IPO11: variants seen among roughly 807,000 people sequenced by gnomAD.
IPO11 encodes importin 11.
IPO11 carries 66 observed loss-of-function variants against 143.2 expected under a neutral mutation model. The observed-to-expected ratio is 0.46, with a 90% confidence interval of 0.38 to 0.57. The LOEUF (loss-of-function observed/expected upper bound fraction) is 0.57. Among genes scored for constraint, IPO11 ranks in the 20% least tolerant of loss-of-function variants. The probability of loss-of-function intolerance (pLI) is 0.00; values close to 1 mark genes in which losing one functional copy is unlikely to be tolerated. For synonymous variants in IPO11, 385 were observed against 377.8 expected, an observed-to-expected ratio of 1.02 and a Z score of -0.22; for missense variants, 1,026 against 1,141.0, an observed-to-expected ratio of 0.90 and a Z score of 1.45.
chr5:62,536,297 A>C (rs950629822), intron 22 of IPO11, among the ~76,000 whole-genome samples: 1 of 152,110 alleles, frequency 6.6e-6, no homozygotes. Flanking sequence ...GGTTGGGTCA[A>C]ATAGTTAGGT....
intron 5 of IPO11, among the ~76,000 whole-genome samples, chr5:62,464,104 G>A (rs574294029): frequency 6.7e-6 from 1 of 150,176 alleles, no homozygotes; most frequent in Non-Finnish European, 1.5e-5. Context: ...GATTACAGGC[G>A]TGAGCCACCG....
chr5:62,501,482 A>G (rs183717019), intron 16 of IPO11, among the ~76,000 whole-genome samples: 3 of 152,338 alleles, frequency 2.0e-5, no homozygotes, highest in Admixed American at 2.0e-4. Context: ...TGATATGTCT[A>G]TTAATTATAC....
chr5:62,514,288 C>G (rs1741918149), intron 19 of IPO11, among the ~76,000 whole-genome samples: 1 of 152,120 alleles, frequency 6.6e-6, no homozygotes, highest in Admixed American at 6.5e-5. Flanking sequence ...CCACTGCACT[C>G]CAGCCTGGGC....
intron 27 of IPO11, 73 bp from the exon 28 acceptor site, chr5:62,591,504 G>A: frequency 1.2e-6 from 1 of 825,356 alleles, no homozygotes; most frequent in Non-Finnish European, 1.9e-6. Flanking sequence ...TCGAGAAGAT[G>A]TTTAGGAAAA....
intron 27 of IPO11, among the ~76,000 whole-genome samples, chr5:62,566,150 G>A (rs1337045439): frequency 6.6e-6 from 1 of 152,162 alleles, no homozygotes; most frequent in Admixed American, 6.5e-5. Context: ...ACCCAGTAAT[G>A]AGATTGCTGG....
intron 9 of IPO11, among the ~76,000 whole-genome samples, 166 bp from the exon 10 acceptor site, chr5:62,482,935 G>A (rs947343449): frequency 3.9e-5 from 6 of 152,098 alleles, no homozygotes; most frequent in East Asian, 1.9e-4. Flanking sequence ...ATTATATGAT[G>A]TGCCTCAAGA....
At chr5:62,554,466 G>A (rs981544294) in intron 26 of IPO11, among the ~76,000 whole-genome samples, 1 of 152,122 alleles carries the variant, frequency 6.6e-6, no homozygotes, top group African/African-American at 2.4e-5. Context: ...ATCACGAGAG[G>A]TAGGGATCTA....
chr5:62,413,147 G>T (rs1374182740), intron 1 of IPO11, among the ~76,000 whole-genome samples: 1 of 152,234 alleles, frequency 6.6e-6, no homozygotes, highest in Non-Finnish European at 1.5e-5. Context: ...CAGCATGGTA[G>T]TGGAGCAATC....
chr5:62,626,485 C>T (rs1441969817), intron 29 of IPO11, among the ~76,000 whole-genome samples: 1 of 152,180 alleles, frequency 6.6e-6, no homozygotes, highest in African/African-American at 2.4e-5. Context: ...ACACATTGCA[C>T]TTAGCCTGGG....
intron 26 of IPO11, among the ~76,000 whole-genome samples, chr5:62,553,787 C>G (rs1258081422): frequency 2.0e-5 from 3 of 152,152 alleles, no homozygotes; most frequent in Admixed American, 6.5e-5. Flanking sequence ...GAGTCTCACT[C>G]TGTCACCCAG....
intron 22 of IPO11, among the ~76,000 whole-genome samples, chr5:62,533,215 CT>C (rs67146609): frequency 1.8e-3 from 41 of 22,870 alleles, no homozygotes; most frequent in Non-Finnish European, 2.5e-3. Flanking sequence ...TTTCTTTCTT[CT>C]TTTTTTTTTT....
At chr5:62,604,844 A>T (rs1441548259) in intron 29 of IPO11, among the ~76,000 whole-genome samples, 1 of 152,196 alleles carries the variant, frequency 6.6e-6, no homozygotes, top group Non-Finnish European at 1.5e-5. Context: ...TATAACATTT[A>T]ATAAATCCAA....
intron 24 of IPO11, among the ~76,000 whole-genome samples, chr5:62,540,041 C>T (rs938748566): frequency 2.6e-5 from 4 of 152,152 alleles, no homozygotes; most frequent in African/African-American, 9.7e-5. Flanking sequence ...TAACCTTTCT[C>T]CTCTATTATA....
chr5:62,482,006 G>T (rs1464671433), intron 9 of IPO11, among the ~76,000 whole-genome samples: 2 of 152,086 alleles, frequency 1.3e-5, no homozygotes, highest in African/African-American at 2.4e-5. Context: ...CTTCTAACTG[G>T]TTTAGTCTTG....
At chr5:62,447,054 GTTTAA>G (rs576888103) in intron 3 of IPO11, among the ~76,000 whole-genome samples, 6 of 151,244 alleles carry the variant, frequency 4.0e-5, no homozygotes, top group Non-Finnish European at 5.9e-5. Context: ...TTTTAATGAA[GTTTAA>G]TTTAATTACC....
At chr5:62,470,180 A>G (rs1745716909) in intron 6 of IPO11, 70 bp from the exon 7 acceptor site, 2 of 1,452,094 alleles carry the variant, frequency 1.4e-6, no homozygotes, top group Non-Finnish European at 1.9e-6. Flanking sequence ...TGCAATTCTG[A>G]ATCTTTCTTG....
intron 27 of IPO11, among the ~76,000 whole-genome samples, chr5:62,579,098 CAA>C (rs1374191951): frequency 2.0e-5 from 3 of 151,960 alleles, no homozygotes; most frequent in Non-Finnish European, 4.4e-5. Flanking sequence ...ATATTAAATT[CAA>C]AGATTCTCAT....
chr5:62,564,039 G>A (rs756176902), intron 27 of IPO11, among the ~76,000 whole-genome samples: 6 of 152,132 alleles, frequency 3.9e-5, no homozygotes, highest in African/African-American at 7.2e-5. Context: ...ATGGGCATTA[G>A]CAAAGTCATG....
intron 27 of IPO11, among the ~76,000 whole-genome samples, chr5:62,578,386 C>T (rs534080361): frequency 2.6e-5 from 4 of 151,798 alleles, no homozygotes; most frequent in South Asian, 2.1e-4. Context: ...GTCTTCAATG[C>T]GTATTTAACA....
Sources: allele counts gnomAD v4.1 joint callset (sites outside exome capture counted in the v4.1 genomes callset), GRCh38; gene constraint gnomAD v4.1.1; transcripts MANE v1.5; gene names NCBI Gene and HGNC (gene_info 2026-07-23, HGNC 2026-07-21).